MB21D2: variants seen among roughly 807,000 people sequenced by gnomAD.
MB21D2 encodes the protein nucleotidyltransferase MB21D2.
In MB21D2, 9 loss-of-function variants were observed where a neutral mutation model predicts 33.3. That is an observed-to-expected ratio of 0.27 (90% confidence interval 0.16 to 0.47). The LOEUF (loss-of-function observed/expected upper bound fraction) is 0.47, where lower values mean the gene tolerates loss of function less well. MB21D2 is among the 20% of genes least tolerant of loss of function. The pLI, the probability that MB21D2 is intolerant of heterozygous loss-of-function variation, is 0.99. For missense variants in MB21D2, 540 were observed against 624.6 expected, an observed-to-expected ratio of 0.86 and a Z score of 1.44; for synonymous variants, 241 against 236.3, an observed-to-expected ratio of 1.02 and a Z score of -0.18.
At chr3:192,834,420 TCA>T (rs775036936) in intron 1 of MB21D2, among the ~76,000 whole-genome samples, 27 of 72,450 alleles carry the variant, frequency 3.7e-4, no homozygotes, top group African/African-American at 3.0e-3. Flanking sequence ...CCCAGTTATA[TCA>T]AAAAAAAAAA....
Position 192,832,887 on chromosome 3 carries a change from C to CT in MB21D2, c.212-33238dup, listed in dbSNP as rs538062884. 8.6e-4 allele frequency among the ~76,000 whole-genome samples: 131 copies of CT among 152,268 alleles called. 1 individual carries two copies. Among genetic ancestry groups the CT allele is most frequent in the African/African-American group, 3.0e-3 (126 of 41,544 alleles). ...AAAGTTGCTAGGCAACCATATTTTCCTTTTTTGCATAGACTGCCAGGAATC... is the reference window on the plus strand; with the variant it reads ...AAAGTTGCTAGGCAACCATATTTTCCTTTTTTTGCATAGACTGCCAGGAATC... On this transcript the variant is annotated intron_variant, in intron 1 of 1. Coordinates refer to ENST00000392452, the MANE Select transcript of MB21D2 (RefSeq NM_178496.4).
At chr3:192,802,334 G>A (rs1184622240) in intron 1 of MB21D2, among the ~76,000 whole-genome samples, 2 of 152,134 alleles carry the variant, frequency 1.3e-5, no homozygotes, top group Non-Finnish European at 2.9e-5. Flanking sequence ...ACTTCGACAG[G>A]TGTAGATCCC....
At chr3:192,877,105 A>G (rs1344311371) in intron 1 of MB21D2, among the ~76,000 whole-genome samples, 1 of 152,208 alleles carries the variant, frequency 6.6e-6, no homozygotes, top group Non-Finnish European at 1.5e-5. Flanking sequence ...TGGATTTCTA[A>G]GCAATCCCAA....
intron 1 of MB21D2, among the ~76,000 whole-genome samples, chr3:192,855,279 A>T (rs1712892595): frequency 6.6e-6 from 1 of 152,078 alleles, no homozygotes; most frequent in Non-Finnish European, 1.5e-5. Flanking sequence ...TTGTATTTTT[A>T]GTAGAGACGG....
chr3:192,806,448 A>G (rs951040835), intron 1 of MB21D2, among the ~76,000 whole-genome samples: 1 of 152,184 alleles, frequency 6.6e-6, no homozygotes, highest in Non-Finnish European at 1.5e-5. Context: ...ATAGCCACCT[A>G]TAAGTGGACC....
chr3:192,891,989 CAA>C (rs1346719779), intron 1 of MB21D2, among the ~76,000 whole-genome samples: 5 of 152,196 alleles, frequency 3.3e-5, no homozygotes, highest in Admixed American at 1.3e-4. Flanking sequence ...TGGAGAAAAA[CAA>C]ACTCATTTAC....
intron 1 of MB21D2, among the ~76,000 whole-genome samples, chr3:192,820,705 C>A (rs1712029861): frequency 6.6e-6 from 1 of 152,242 alleles, no homozygotes; most frequent in African/African-American, 2.4e-5. Flanking sequence ...CCTCGTTCAG[C>A]CAGCATCTGG....
intron 1 of MB21D2, among the ~76,000 whole-genome samples, chr3:192,843,477 C>T (rs367798262): frequency 6.6e-6 from 1 of 152,248 alleles, no homozygotes; most frequent in East Asian, 1.9e-4. Flanking sequence ...GCTGGGACCA[C>T]AGAGATGCTC....
Position 192,799,074 on chromosome 3 carries a change from G to C in MB21D2, c.788C>G (p.Thr263Ser). 6.2e-7 allele frequency: 1 copy of C among 1,614,042 alleles called. No individual in the cohort carries two copies. Among genetic ancestry groups the C allele is most frequent in the Non-Finnish European group, 8.5e-7 (1 of 1,179,988 alleles). The change falls in exon 2 of 2, where the codon ACT (threonine) becomes AGT (serine). Residue 263 changes from threonine (T) to serine (S), a missense_variant. Transcript: ENST00000392452. This position sits in a 1 kb window ranked among gnomAD's most constrained non-coding sequence, Gnocchi z 4.1. ...AAACCCACTGATGACCTCTTCCTCA[G>C]TAATCTTCCCATCCCAAAAGTGGTT... ...MENHFWDGKI[T>S]EEEVISGFYL...
chr3:192,838,255 G>A (rs941162291), intron 1 of MB21D2, among the ~76,000 whole-genome samples: 1 of 152,114 alleles, frequency 6.6e-6, no homozygotes, highest in Non-Finnish European at 1.5e-5. Context: ...TCCCCTACAG[G>A]AAGTGATCCA....
At chr3:192,817,687 G>GT (rs1274386352) in intron 1 of MB21D2, among the ~76,000 whole-genome samples, 1 of 152,098 alleles carries the variant, frequency 6.6e-6, no homozygotes, top group Non-Finnish European at 1.5e-5. Flanking sequence ...GTGTGTCACT[G>GT]TAACAGTCCA....
chr3:192,848,409 G>A (rs901694808), intron 1 of MB21D2, among the ~76,000 whole-genome samples: 16 of 152,132 alleles, frequency 1.1e-4, no homozygotes, highest in African/African-American at 3.6e-4. Flanking sequence ...TCTGGCCCAG[G>A]TAAGGCTCCA....
intron 1 of MB21D2, among the ~76,000 whole-genome samples, chr3:192,901,040 G>A (rs1022214842): frequency 2.6e-5 from 4 of 152,110 alleles, no homozygotes; most frequent in South Asian, 2.1e-4. Flanking sequence ...AAACAGTACT[G>A]AAAAATAACT....
chr3:192,835,237 G>A (rs186343127), intron 1 of MB21D2, among the ~76,000 whole-genome samples: 13 of 147,844 alleles, frequency 8.8e-5, no homozygotes, highest in Non-Finnish European at 1.5e-4. Flanking sequence ...GGCAGCTCAC[G>A]AGGTCAGGAG....
intron 1 of MB21D2, among the ~76,000 whole-genome samples, chr3:192,882,574 T>C (rs556669285): frequency 6.6e-6 from 1 of 152,242 alleles, no homozygotes; most frequent in East Asian, 1.9e-4. Context: ...ATGATGTACC[T>C]GTGTTTCACT....
intron 1 of MB21D2, among the ~76,000 whole-genome samples, chr3:192,911,265 T>C (rs1411155954): frequency 6.6e-6 from 1 of 151,920 alleles, no homozygotes; most frequent in African/African-American, 2.4e-5. Context: ...CCTCAAAGTG[T>C]AATGGTGATG....
chr3:192,805,477 GA>G (rs1225207556), intron 1 of MB21D2, among the ~76,000 whole-genome samples: 1 of 152,064 alleles, frequency 6.6e-6, no homozygotes, highest in African/African-American at 2.4e-5. Flanking sequence ...TATTTTTTTA[GA>G]AGACTGATTA....
chr3:192,821,777 C>T (rs1039123858), intron 1 of MB21D2, among the ~76,000 whole-genome samples: 60 of 152,120 alleles, frequency 3.9e-4, no homozygotes, highest in African/African-American at 1.4e-3. Context: ...TGGAGGTCTA[C>T]AAAGTGCCAT....
chr3:192,883,894 T>TAA (rs962717530), intron 1 of MB21D2, among the ~76,000 whole-genome samples: 6 of 152,148 alleles, frequency 3.9e-5, no homozygotes, highest in Admixed American at 1.3e-4. Flanking sequence ...CAATTTAAAA[T>TAA]AAAAAAATAA....
Sources: allele counts gnomAD v4.1 joint callset (sites outside exome capture counted in the v4.1 genomes callset), GRCh38; gene constraint gnomAD v4.1.1; non-coding constraint Gnocchi (gnomAD v3.1); transcripts MANE v1.5; gene names NCBI Gene and HGNC (gene_info 2026-07-23, HGNC 2026-07-21).